Variants in SCHIP1 observed in about 807,000 individuals in gnomAD.
SCHIP1 encodes the protein schwannomin-interacting protein 1.
Under a neutral mutation model 29.7 loss-of-function variants are expected in SCHIP1, and 8 were observed. The ratio of observed to expected loss-of-function variants is 0.27; its 90% CI spans 0.16 to 0.49. The LOEUF (loss-of-function observed/expected upper bound fraction) is 0.49, where lower values mean the gene tolerates loss of function less well. SCHIP1 is among the 20% of genes least tolerant of loss of function. The probability of loss-of-function intolerance (pLI) is 0.99; values close to 1 mark genes in which losing one functional copy is unlikely to be tolerated. For synonymous variants in SCHIP1, 76 were observed against 94.9 expected (o/e 0.80, Z 1.16); for missense variants, 193 against 294.6 (o/e 0.66, Z 2.52).
At chr3:159,734,937 A>G in the SCHIP1 span, among the ~76,000 whole-genome samples, 1 of 152,210 alleles carries the variant, frequency 6.6e-6, no homozygotes, top group East Asian at 1.9e-4. Flanking sequence ...TCACAGAAGG[A>G]TGCCCAACTC....
chr3:159,733,684 C>A, the SCHIP1 span, among the ~76,000 whole-genome samples: 13 of 152,202 alleles, frequency 8.5e-5, no homozygotes, highest in African/African-American at 2.2e-4. Flanking sequence ...AAGAATTCTT[C>A]TTATTATTAA....
At chr3:159,378,462 C>A in the SCHIP1 span, among the ~76,000 whole-genome samples, 1 of 152,190 alleles carries the variant, frequency 6.6e-6, no homozygotes, top group Non-Finnish European at 1.5e-5. Flanking sequence ...GTTGTTTTAA[C>A]TTTCAGAATA....
the SCHIP1 span, among the ~76,000 whole-genome samples, chr3:159,725,319 G>T: frequency 5.3e-5 from 8 of 150,172 alleles, 1 homozygote; most frequent in East Asian, 5.9e-4. Context: ...ACCTAGGTTG[G>T]AGTGCAGTGG....
the SCHIP1 span, among the ~76,000 whole-genome samples, chr3:159,617,739 C>T: frequency 2.0e-5 from 3 of 152,178 alleles, no homozygotes; most frequent in Admixed American, 1.3e-4. Context: ...GGTATATAAG[C>T]TTCAACCACC....
the SCHIP1 span, among the ~76,000 whole-genome samples, chr3:159,734,204 G>A: frequency 7.0e-6 from 1 of 142,678 alleles, no homozygotes; most frequent in Admixed American, 7.3e-5. Flanking sequence ...GTGCAATGGC[G>A]CAATCTCGGC....
the SCHIP1 span, among the ~76,000 whole-genome samples, chr3:159,675,975 T>C: frequency 2.0e-5 from 3 of 152,030 alleles, no homozygotes; most frequent in African/African-American, 4.8e-5. Flanking sequence ...CTATTAAAAA[T>C]ACAAAATTAG....
At chr3:159,355,304 T>C in the SCHIP1 span, among the ~76,000 whole-genome samples, 4 of 152,072 alleles carry the variant, frequency 2.6e-5, 1 homozygote, top group South Asian at 4.1e-4. Context: ...GACCTAACAA[T>C]GTACTCCCTG....
chr3:159,331,514 C>T, the SCHIP1 span, among the ~76,000 whole-genome samples: 1 of 152,120 alleles, frequency 6.6e-6, no homozygotes. Flanking sequence ...ATTCATCAAG[C>T]TCTGCATATC....
the SCHIP1 span, among the ~76,000 whole-genome samples, chr3:159,597,424 T>A: frequency 2.6e-5 from 4 of 152,250 alleles, no homozygotes; most frequent in African/African-American, 9.6e-5. Flanking sequence ...CTCATTTCTA[T>A]TCATGTTCCC....
chr3:159,740,266 G>T, the SCHIP1 span, among the ~76,000 whole-genome samples: 2 of 152,338 alleles, frequency 1.3e-5, no homozygotes, highest in African/African-American at 4.8e-5. Flanking sequence ...AAAGAGTGGG[G>T]AGGAGCTGGC....
At chr3:159,811,978 T>G in the SCHIP1 span, among the ~76,000 whole-genome samples, 97 of 107,370 alleles carry the variant, frequency 9.0e-4, no homozygotes, top group African/African-American at 3.4e-3. Context: ...GTTTTTGTTT[T>G]TGTTTTTTTT....
chr3:159,481,077 C>T, the SCHIP1 span, among the ~76,000 whole-genome samples: 138 of 152,204 alleles, frequency 9.1e-4, no homozygotes, highest in Non-Finnish European at 1.5e-3. Flanking sequence ...AGGCAGGAAC[C>T]GGCCATTTTC....
At chr3:159,478,510 A>C in the SCHIP1 span, among the ~76,000 whole-genome samples, 1 of 152,152 alleles carries the variant, frequency 6.6e-6, no homozygotes, top group African/African-American at 2.4e-5. Context: ...AAAATCAGGA[A>C]GTACAATGAC....
At chr3:159,886,219 G>C in exon 3 of SCHIP1, 1 of 1,614,172 alleles carries the variant, frequency 6.2e-7, no homozygotes, top group Non-Finnish European at 8.5e-7. Flanking sequence ...TGCAGAGTGG[G>C]ATGAACTTGC....
At chr3:159,610,447 T>C in the SCHIP1 span, among the ~76,000 whole-genome samples, 1 of 152,204 alleles carries the variant, frequency 6.6e-6, no homozygotes, top group Non-Finnish European at 1.5e-5. Flanking sequence ...TCGGATTCAA[T>C]ATTGTATTTG....
chr3:159,800,270 G>A, the SCHIP1 span, among the ~76,000 whole-genome samples: 1 of 152,160 alleles, frequency 6.6e-6, no homozygotes, highest in African/African-American at 2.4e-5. Flanking sequence ...TTTAGAAGGA[G>A]AAGTCGAGTG....
the SCHIP1 span, among the ~76,000 whole-genome samples, chr3:159,429,006 T>C: frequency 3.3e-5 from 4 of 121,954 alleles, no homozygotes; most frequent in African/African-American, 1.3e-4. Context: ...TGAGAACACA[T>C]GGACACAGGA....
the SCHIP1 span, among the ~76,000 whole-genome samples, chr3:159,438,518 G>T: frequency 6.6e-6 from 1 of 152,104 alleles, no homozygotes; most frequent in East Asian, 1.9e-4. Flanking sequence ...TACATGTGTA[G>T]GATGTGCAGG....
the SCHIP1 span, among the ~76,000 whole-genome samples, chr3:159,683,998 T>C: frequency 6.6e-6 from 1 of 152,224 alleles, no homozygotes; most frequent in African/African-American, 2.4e-5. Flanking sequence ...AAAATCTTGC[T>C]GGCCAGGAAG....
Sources: gnomAD v4.1 joint callset for allele counts (sites outside exome capture counted in the v4.1 genomes callset) on GRCh38, gnomAD v4.1.1 for gene constraint, MANE v1.5 for transcripts, NCBI Gene and HGNC (gene_info 2026-07-23, HGNC 2026-07-21) for gene names.